FBXW2: variants seen among roughly 807,000 people sequenced by gnomAD.
The protein encoded by FBXW2 is F-box and WD repeat domain containing 2, also known as F-box/WD repeat-containing protein 2.
Under a neutral mutation model 46.0 loss-of-function variants are expected in FBXW2, and 12 were observed. The observed-to-expected ratio is 0.26, with a 90% CI of 0.17 to 0.42. The LOEUF (loss-of-function observed/expected upper bound fraction) is 0.42, where lower values mean the gene tolerates loss of function less well. Among genes scored for constraint, FBXW2 ranks in the 10% least tolerant of loss-of-function variants. The pLI is 1.00. For missense variants in FBXW2, 360 were observed against 537.0 expected, an observed-to-expected ratio of 0.67 and a Z score of 3.26; for synonymous variants, 203 against 209.6, an observed-to-expected ratio of 0.97 and a Z score of 0.27.
chr9:120,759,430 CT>C lies in FBXW2; in HGVS notation c.*5128del, dbSNP rs1351111046. ...CCACTATTTGCTTAAGCAACCTCTT[CT>C]TCCCCCTACCCCACACAGTTCAAAT... On this transcript the variant is annotated 3_prime_UTR_variant, in exon 8 of 8. Transcript: ENST00000608872. 1 of 152,224 alleles carries C rather than the reference CT, an allele frequency of 6.6e-6. No individual in the cohort carries two copies. Among genetic ancestry groups the C allele is most frequent in the Non-Finnish European group, 1.5e-5 (1 of 68,036 alleles). 9.4% of individuals were successfully genotyped at this position (152,224 alleles called of 1,614,324 possible). A position where few individuals can be genotyped will look rare whatever the true frequency, so the allele number is the denominator to read the frequency against.
chr9:120,759,692 T>G lies in FBXW2; in HGVS notation c.*4867A>C, dbSNP rs2044168149. The G allele has an allele frequency of 6.6e-6, 1 of 152,214 alleles. No homozygotes were observed. The highest frequency in any genetic ancestry group is 2.1e-4 in the South Asian group (1 of 4,832). 9.4% of individuals were successfully genotyped at this position (152,214 alleles called of 1,614,324 possible). ...CATCTGAATTACTAATTTTCCAGGG[T>G]TGAATATTAAAAACACATATTTACT... On this transcript the variant is annotated 3_prime_UTR_variant, in exon 8 of 8. Transcript: ENST00000608872.
Position 120,761,188 on chromosome 9 carries a change from G to C in FBXW2, c.*3371C>G, listed in dbSNP as rs1212232600. 1 of 152,198 alleles carries C rather than the reference G, an allele frequency of 6.6e-6. No homozygotes were observed. The highest frequency in any genetic ancestry group is 1.5e-5 in the Non-Finnish European group (1 of 68,040). The allele number at this position is 152,198 out of a possible 1,614,324, so 9.4% of individuals were successfully genotyped here. A position where few individuals can be genotyped will look rare whatever the true frequency, so the allele number is the denominator to read the frequency against. The stretch of plus-strand genomic sequence containing the variant: ...TGTATTACTTCAAATGATTGAGCTG[G>C]AGGAAACTACATTCCTTTGGAATGA... On this transcript the variant is annotated 3_prime_UTR_variant, in exon 8 of 8. Transcript: ENST00000608872.
chr9:120,776,235 T>C lies in FBXW2; in HGVS notation c.686-9A>G, dbSNP rs112917018. ...GTAGTCCACGCTAAATACTAGTGCA[T>C]ATAATTACACAAAGTTAAAACATGT... On this transcript the variant is annotated splice_polypyrimidine_tract_variant and intron_variant, in intron 4 of 7. Transcript: ENST00000608872. The C allele has an allele frequency of 3.3e-3, 5,385 of 1,612,352 alleles. 139 individuals carry two copies. The African/African-American group carries it at 0.057, about 17-fold the overall frequency.
Position 120,776,254 on chromosome 9 carries a change from A to C in FBXW2, c.686-28T>G, listed in dbSNP as rs377702576. ...AGTGCATATAATTACACAAAGTTAA[A>C]ACATGTCTCTGTCAGTGGGTCTTTT... On this transcript the variant is annotated intron_variant, in intron 4 of 7. Coordinates refer to ENST00000608872, the MANE Select transcript of FBXW2 (RefSeq NM_012164.4). 4.4e-6 allele frequency: 7 copies of C among 1,607,578 alleles called. No individual in the cohort carries two copies. The African/African-American group carries it at 5.4e-5, about 12-fold the overall frequency.
chr9:120,765,990 T>C (rs572278400), intron 7 of FBXW2, among the ~76,000 whole-genome samples: 2 of 152,102 alleles, frequency 1.3e-5, no homozygotes, highest in South Asian at 4.1e-4. Context: ...AGCAAAAGAT[T>C]AACAAGAAAA....
intron 3 of FBXW2, among the ~76,000 whole-genome samples, chr9:120,782,678 T>TA (rs1224733638): frequency 6.6e-6 from 1 of 151,692 alleles, no homozygotes; most frequent in African/African-American, 2.4e-5. Context: ...CCCATCTCCA[T>TA]AAAAAATACA....
chr9:120,782,698 T>C (rs868594550), intron 3 of FBXW2, among the ~76,000 whole-genome samples: 3 of 151,716 alleles, frequency 2.0e-5, no homozygotes, highest in Admixed American at 2.0e-4. Context: ...AAAAATTAGC[T>C]GGGCATGGTG....
Position 120,771,128 on chromosome 9 carries a change from C to T in FBXW2, c.1076+220G>A, listed in dbSNP as rs562609740. On this transcript the variant is annotated intron_variant, in intron 7 of 7. Transcript: ENST00000608872. Reference sequence around the variant, plus strand: ...TGGCTCATGACTCACAGTCAGGCAGCGGACGTTCCAGTACGTAACTCTTTT... The same window carrying T: ...TGGCTCATGACTCACAGTCAGGCAGTGGACGTTCCAGTACGTAACTCTTTT... Among the ~76,000 whole-genome samples the T allele has an allele frequency of 2.6e-5, 4 of 152,308 alleles. No homozygotes were observed. The East Asian group carries it at 5.8e-4, about 22-fold the overall frequency.
intron 4 of FBXW2, chr9:120,776,473 G>A: frequency 2.3e-6 from 1 of 425,780 alleles, no homozygotes; most frequent in Non-Finnish European, 4.2e-6. Context: ...GCTACAGTGA[G>A]AGGCAAAACA....
At position 120,759,332 on chromosome 9, in the gene FBXW2, C is replaced by T. The variant is rs1441383181; in HGVS notation, c.*5227G>A. 2 of 152,204 alleles carry T rather than the reference C, an allele frequency of 1.3e-5. No homozygotes were observed. The highest frequency in any genetic ancestry group is 2.9e-5 in the Non-Finnish European group (2 of 68,032). 9.4% of individuals were successfully genotyped at this position (152,204 alleles called of 1,614,324 possible). A position where few individuals can be genotyped will look rare whatever the true frequency, so the allele number is the denominator to read the frequency against. ...GATTTATAGTTAACACAATCACTCA[C>T]GGGTAAAAAGAGTGCTTCTATGATG... On this transcript the variant is annotated 3_prime_UTR_variant, in exon 8 of 8. Transcript: ENST00000608872.
intron 7 of FBXW2, among the ~76,000 whole-genome samples, chr9:120,765,735 TAA>T (rs1298470648): frequency 6.6e-6 from 1 of 152,166 alleles, no homozygotes; most frequent in Non-Finnish European, 1.5e-5. Context: ...TGAAAATATT[TAA>T]AGTTTCCCAA....
chr9:120,765,007 C>A (rs1326168013), intron 7 of FBXW2, among the ~76,000 whole-genome samples, 160 bp from the exon 8 acceptor site: 1 of 151,864 alleles, frequency 6.6e-6, no homozygotes, highest in African/African-American at 2.4e-5. Context: ...AAAAGCTCAG[C>A]CCACTTATAA....
chr9:120,776,017 A>C, intron 5 of FBXW2, 76 bp downstream of exon 5: 1 of 1,551,786 alleles, frequency 6.4e-7, no homozygotes, highest in Non-Finnish European at 8.8e-7. Flanking sequence ...TAACACTTAT[A>C]AGGCAGTGTC....
At chr9:120,771,944 A>C (rs1027042082) in intron 6 of FBXW2, among the ~76,000 whole-genome samples, 2 of 151,550 alleles carry the variant, frequency 1.3e-5, no homozygotes, top group African/African-American at 4.9e-5. Flanking sequence ...CTGTAATCCC[A>C]GCTACTTGGG....
intron 2 of FBXW2, chr9:120,792,773 G>C: frequency 1.2e-6 from 1 of 838,760 alleles, no homozygotes; most frequent in Non-Finnish European, 1.7e-6. Flanking sequence ...CAAGTAAAGC[G>C]TTTAGCACAG....
intron 2 of FBXW2, chr9:120,792,841 A>G: frequency 1.4e-6 from 2 of 1,409,380 alleles, no homozygotes; most frequent in Middle Eastern, 3.7e-4. Flanking sequence ...CTTAGCATTA[A>G]TATTGTTATC....
At chr9:120,773,199 A>C (rs559039498) in intron 5 of FBXW2, among the ~76,000 whole-genome samples, 64 of 152,322 alleles carry the variant, frequency 4.2e-4, no homozygotes, top group Non-Finnish European at 7.5e-4. Context: ...AAAAAAAAAA[A>C]AAAACAGTCT....
rs1020521560 is a variant in FBXW2 at position 120,763,085 on chromosome 9, T to C, written c.*1474A>G. 2.6e-5 allele frequency: 4 copies of C among 152,184 alleles called. No homozygotes were observed. The South Asian group carries it at 6.2e-4, about 24-fold the overall frequency. The allele number at this position is 152,184 out of a possible 1,614,324, so 9.4% of individuals were successfully genotyped here. On this transcript the variant is annotated 3_prime_UTR_variant, in exon 8 of 8. Transcript: ENST00000608872. ...CTTATTTCAAATTTTCTTTAATCAG[T>C]TGTAACGTTTTAAAAATCCAGGATT...
chr9:120,792,421 C>A (rs1348644315), intron 2 of FBXW2: 1 of 152,696 alleles, frequency 6.5e-6, no homozygotes, highest in Non-Finnish European at 1.5e-5. Context: ...AAAATGTATT[C>A]TGAATATTCA....
Sources: gnomAD v4.1 joint callset for allele counts (sites outside exome capture counted in the v4.1 genomes callset) on GRCh38, gnomAD v4.1.1 for gene constraint, MANE v1.5 for transcripts, NCBI Gene and HGNC (gene_info 2026-07-23, HGNC 2026-07-21) for gene names.